CSK: variants seen among roughly 807,000 people sequenced by gnomAD.
The protein encoded by CSK is C-terminal Src kinase, also known as tyrosine-protein kinase CSK.
Under a neutral mutation model 62.3 loss-of-function variants are expected in CSK, and 7 were observed. The observed-to-expected ratio is 0.11, with a 90% CI of 0.06 to 0.21. CSK has a LOEUF of 0.21. CSK is among the 10% of genes least tolerant of loss of function. The pLI, the probability that CSK is intolerant of heterozygous loss-of-function variation, is 1.00. For synonymous variants in CSK, 237 were observed against 246.0 expected, an observed-to-expected ratio of 0.96 and a Z score of 0.34; for missense variants, 294 against 613.5, an observed-to-expected ratio of 0.48 and a Z score of 5.50.
rs1251056569 is a variant in CSK, at chr15:74,782,519, C to T, written c.-267C>T. On this transcript the variant is annotated 5_prime_UTR_variant, in exon 1 of 13. Coordinates refer to ENST00000220003, the MANE Select transcript of CSK (RefSeq NM_004383.3). The surrounding 1 kb of genome is among the most constrained non-coding windows in gnomAD (Gnocchi z 5.7). ...CCGCCCCCTTCCCCCGCCTTTCTTC[C>T]CTCCGCGACCCGGGCCGTGCGTCCG... 7.3e-5 allele frequency: 11 copies of T among 151,184 alleles called. No individual in the cohort carries two copies. The highest frequency in any genetic ancestry group is 1.3e-4 in the Non-Finnish European group (9 of 67,764). 9.4% of individuals were successfully genotyped at this position (151,184 alleles called of 1,614,324 possible). A position where few individuals can be genotyped will look rare whatever the true frequency, so the allele number is the denominator to read the frequency against.
intron 1 of CSK, among the ~76,000 whole-genome samples, chr15:74,786,826 G>T (rs1003948557): frequency 2.0e-5 from 3 of 152,186 alleles, no homozygotes; most frequent in Non-Finnish European, 4.4e-5. Context: ...CTAAGGAAGG[G>T]GTCCTCCCCC....
intron 4 of CSK, 94 bp from the exon 5 acceptor site, chr15:74,799,178 G>A: frequency 7.4e-7 from 1 of 1,354,212 alleles, no homozygotes; most frequent in Non-Finnish European, 1.0e-6. Flanking sequence ...GCGAGTGCGA[G>A]CCACGGGTGC....
intron 1 of CSK, among the ~76,000 whole-genome samples, chr15:74,784,643 AGGCTGAGCCACACAGAGTGGCCCTC>A (rs985707216): frequency 1.3e-5 from 2 of 152,214 alleles, no homozygotes; most frequent in African/African-American, 4.8e-5. Context: ...AGACCCCAAA[AGGCTGAGCCACACAGAGTGGCCCTC>A]GGCAAGGGTT....
chr15:74,792,728 C>G (rs2063642127), intron 1 of CSK, among the ~76,000 whole-genome samples: 1 of 152,230 alleles, frequency 6.6e-6, no homozygotes, highest in South Asian at 2.1e-4. Flanking sequence ...TAGGCACTAG[C>G]TGGGAAGCCA....
chr15:74,791,209 A>G (rs1349371229), intron 1 of CSK, among the ~76,000 whole-genome samples: 1 of 152,154 alleles, frequency 6.6e-6, no homozygotes, highest in Admixed American at 6.5e-5. Flanking sequence ...TACCTCTTTA[A>G]AAACACAACT....
In CSK at chr15:74,802,432, C is replaced by G; in HGVS notation, c.1272C>G (p.His424Gln). Reference sequence around the variant, plus strand: ...ATGAAGTCATGAAGAACTGCTGGCACCTGGACGCCGCCATGCGGCCCTCCT... The same window carrying G: ...ATGAAGTCATGAAGAACTGCTGGCAGCTGGACGCCGCCATGCGGCCCTCCT... ...AVYEVMKNCW[H>Q]LDAAMRPSFL... Residue 424 changes from histidine (H) to glutamine (Q), a missense_variant, in exon 13 of 13, where the codon CAC (histidine) becomes CAG (glutamine). His to Gln is a conservative substitution (Grantham distance 24). This residue lies in a region of CSK where 66 missense variants were observed against 99.3 expected (regional missense o/e 0.66). Transcript: ENST00000220003. 1 of 1,612,928 alleles carries G rather than the reference C, an allele frequency of 6.2e-7. No homozygotes were observed. Among genetic ancestry groups the G allele is most frequent in the Non-Finnish European group, 8.5e-7 (1 of 1,179,818 alleles).
Position 74,802,814 on chromosome 15 carries a change from T to C in CSK, c.*301T>C, listed in dbSNP as rs1402773293. ...TCTTAGAGTTTTATTCCTTTCCTTT[T>C]TTGAGATTTTTTTTCCGTGTGTTTA... is the stretch of plus-strand genomic sequence containing the variant. On this transcript the variant is annotated 3_prime_UTR_variant, in exon 13 of 13. Coordinates refer to ENST00000220003, the MANE Select transcript of CSK (RefSeq NM_004383.3). 5 of 323,070 alleles carry C rather than the reference T, an allele frequency of 1.5e-5. No individual in the cohort carries two copies. The highest frequency in any genetic ancestry group is 1.0e-4 in the Admixed American group (2 of 19,440). The allele number at this position is 323,070 out of a possible 1,614,324, so 20.0% of individuals were successfully genotyped here.
chr15:74,801,245 A>G, intron 9 of CSK, 143 bp downstream of exon 9: 1 of 889,250 alleles, frequency 1.1e-6, no homozygotes, highest in Non-Finnish European at 1.8e-6. Flanking sequence ...CTGGTTTACC[A>G]TTCATTGACT....
intron 1 of CSK, among the ~76,000 whole-genome samples, chr15:74,788,321 C>G (rs924389191): frequency 2.0e-5 from 3 of 152,162 alleles, no homozygotes; most frequent in African/African-American, 7.2e-5. Context: ...CGGTGCCCCC[C>G]ACCTGTCCAT....
rs751618916 is a variant in CSK, at chr15:74,798,255, G to T, written c.-43G>T. On this transcript the variant is annotated 5_prime_UTR_variant, in exon 2 of 13. Coordinates refer to ENST00000220003, the MANE Select transcript of CSK (RefSeq NM_004383.3). This position sits in a 1 kb window ranked among gnomAD's most constrained non-coding sequence, Gnocchi z 6.6. ...CAGCTCTAATGGTACCAAGTGACAGGTTGGCTTTACTGTGACTCGGGGACG... is the reference window on the plus strand; with the variant it reads ...CAGCTCTAATGGTACCAAGTGACAGTTTGGCTTTACTGTGACTCGGGGACG... 6 of 1,541,178 alleles carry T rather than the reference G, an allele frequency of 3.9e-6. No homozygotes were observed. Among genetic ancestry groups the T allele is most frequent in the East Asian group, 2.3e-5 (1 of 44,262 alleles).
chr15:74,790,744 A>C (rs1332574156), intron 1 of CSK: 1 of 151,902 alleles, frequency 6.6e-6, no homozygotes, highest in Non-Finnish European at 1.5e-5. Context: ...TTCATTCAGC[A>C]CTCATTTACT....
chr15:74,794,656 C>T (rs897305216), intron 1 of CSK, among the ~76,000 whole-genome samples: 1 of 152,122 alleles, frequency 6.6e-6, no homozygotes, highest in African/African-American at 2.4e-5. Flanking sequence ...AGCCAGCTTG[C>T]AGGAGATACC....
intron 1 of CSK, among the ~76,000 whole-genome samples, chr15:74,793,564 C>A (rs1360367652): frequency 6.6e-6 from 1 of 152,170 alleles, no homozygotes; most frequent in Non-Finnish European, 1.5e-5. Flanking sequence ...TAGGGACCCC[C>A]GCCTTGCCCC....
intron 1 of CSK, among the ~76,000 whole-genome samples, chr15:74,787,899 C>T (rs1340849050): frequency 1.3e-5 from 2 of 152,178 alleles, no homozygotes; most frequent in Middle Eastern, 6.3e-3. Flanking sequence ...TTGTGCTGTC[C>T]GTGCTGCAGG....
chr15:74,800,770 G>T, intron 7 of CSK, 24 bp downstream of exon 7: 1 of 1,586,046 alleles, frequency 6.3e-7, no homozygotes, highest in Admixed American at 1.8e-5. Flanking sequence ...GGCCCCCTGG[G>T]GGGGTTCTGA....
intron 1 of CSK, among the ~76,000 whole-genome samples, chr15:74,795,174 G>T (rs991050107): frequency 5.3e-5 from 8 of 152,064 alleles, no homozygotes; most frequent in African/African-American, 1.9e-4. Flanking sequence ...CTCTGCCTGT[G>T]TAAGCCCTGC....
intron 4 of CSK, 106 bp from the exon 5 acceptor site, chr15:74,799,166 G>T: frequency 8.2e-7 from 1 of 1,222,830 alleles, no homozygotes; most frequent in South Asian, 1.4e-5. Flanking sequence ...ATGCCTGACT[G>T]AGCGAGTGCG....
chr15:74,799,202 C>T, intron 4 of CSK, 70 bp from the exon 5 acceptor site: 1 of 1,494,782 alleles, frequency 6.7e-7, no homozygotes, highest in Admixed American at 1.9e-5. Flanking sequence ...GCAGAGGGAA[C>T]CCCTTCAGAA....
At position 74,798,662 on chromosome 15, in the gene CSK, C is replaced by T. The variant is rs139354859; in HGVS notation, c.63C>T (p.His21=). 43 of 1,613,612 alleles carry T rather than the reference C, an allele frequency of 2.7e-5. No individual in the cohort carries two copies. The highest frequency in any genetic ancestry group is 3.4e-5 in the Non-Finnish European group (40 of 1,180,040). ...GTECIAKYNF[H]GTAEQDLPFC... ...AATGTATTGCCAAGTACAACTTCCA[C>T]GGCACTGCCGAGCAGGACCTGCCCT... The change falls in exon 3 of 13, where the codon CAC becomes CAT. Residue 21 remains histidine, a synonymous_variant. Coordinates refer to ENST00000220003, the MANE Select transcript of CSK (RefSeq NM_004383.3). This position sits in a 1 kb window ranked among gnomAD's most constrained non-coding sequence, Gnocchi z 6.6.
Sources: allele counts gnomAD v4.1 joint callset (sites outside exome capture counted in the v4.1 genomes callset), GRCh38; gene constraint gnomAD v4.1.1; regional missense constraint gnomAD v4.1.1; non-coding constraint Gnocchi (gnomAD v3.1); transcripts MANE v1.5; gene names NCBI Gene and HGNC (gene_info 2026-07-23, HGNC 2026-07-21).